Variants in CHIA observed in about 807,000 individuals in gnomAD.
CHIA encodes chitinase acidic, also known as acidic mammalian chitinase.
CHIA carries 47 observed loss-of-function variants against 53.5 expected under a neutral mutation model. The observed-to-expected ratio is 0.88, with a 90% CI of 0.70 to 1.12. The LOEUF is 1.12. CHIA is among the 50% of genes most tolerant of loss of function. The probability of loss-of-function intolerance (pLI) is 0.00; values close to 1 mark genes in which losing one functional copy is unlikely to be tolerated. For synonymous variants in CHIA, 268 were observed against 222.2 expected, an observed-to-expected ratio of 1.21 and a Z score of -1.83; for missense variants, 652 against 592.2, an observed-to-expected ratio of 1.10 and a Z score of -1.05.
At chr1:111,302,815 G>C (rs1028946486) in intron 1 of CHIA, among the ~76,000 whole-genome samples, 4 of 152,010 alleles carry the variant, frequency 2.6e-5, no homozygotes, top group Admixed American at 1.3e-4. Flanking sequence ...TATCTTCCGT[G>C]TGGTTGTTGT....
intron 1 of CHIA, among the ~76,000 whole-genome samples, chr1:111,308,541 A>T (rs1231966074): frequency 6.6e-6 from 1 of 152,190 alleles, no homozygotes; most frequent in African/African-American, 2.4e-5. Flanking sequence ...AAGCCCTCTG[A>T]TGATAGTCAT....
At chr1:111,291,276 GAT>G (rs1203140457) in intron 1 of CHIA, among the ~76,000 whole-genome samples, 6 of 152,122 alleles carry the variant, frequency 3.9e-5, no homozygotes, top group African/African-American at 1.4e-4. Flanking sequence ...GCCCATCAAT[GAT>G]AGACTGGATA....
rs759598491 is a variant in CHIA, at chr1:111,318,042, A to G, written c.662A>G (p.Tyr221Cys). 37 of 1,613,834 alleles carry G rather than the reference A, an allele frequency of 2.3e-5. No homozygotes were observed. In the South Asian group the frequency reaches 4.0e-4, roughly 17 times the overall value. ...GACCTCCATGGCTCCTGGGAGGGCTACACTGGAGAGAACAGCCCCCTCTAC... is the reference window on the plus strand; with the variant it reads ...GACCTCCATGGCTCCTGGGAGGGCTGCACTGGAGAGAACAGCCCCCTCTAC... ...TYDLHGSWEG[Y>C]TGENSPLYKY... Residue 221 changes from tyrosine (Y) to cysteine (C), a missense_variant, in exon 8 of 12, where the codon TAC (tyrosine) becomes TGC (cysteine). Coordinates refer to ENST00000369740, the MANE Select transcript of CHIA (RefSeq NM_201653.4).
chr1:111,315,186 T>C, intron 5 of CHIA, 84 bp from the exon 6 acceptor site: 1 of 1,005,404 alleles, frequency 9.9e-7, no homozygotes, highest in Non-Finnish European at 1.5e-6. Context: ...TGAAGGGCTC[T>C]GAGGCAGGAA....
chr1:111,298,371 G>C (rs1647389930), intron 1 of CHIA, among the ~76,000 whole-genome samples: 2 of 152,148 alleles, frequency 1.3e-5, no homozygotes. Context: ...AAATGTAAAA[G>C]AACAGAAATC....
chr1:111,306,408 A>T (rs1300035874), intron 1 of CHIA, among the ~76,000 whole-genome samples: 1 of 152,194 alleles, frequency 6.6e-6, no homozygotes, highest in East Asian at 1.9e-4. Flanking sequence ...CCCACATGGA[A>T]AAAATGAAAT....
chr1:111,306,710 A>G (rs1338216240), intron 1 of CHIA, among the ~76,000 whole-genome samples: 2 of 152,226 alleles, frequency 1.3e-5, no homozygotes, highest in African/African-American at 4.8e-5. Flanking sequence ...CTGAAAAATA[A>G]TTACAATCCA....
chr1:111,318,395 A>G (rs1216352336), intron 8 of CHIA, 98 bp from the exon 9 acceptor site: 2 of 1,073,696 alleles, frequency 1.9e-6, no homozygotes, highest in Non-Finnish European at 2.7e-6. Context: ...TCTGGAATTA[A>G]CAGCATAGAG....
intron 6 of CHIA, 81 bp from the exon 7 acceptor site, chr1:111,317,600 T>C (rs748380934): frequency 3.7e-5 from 56 of 1,493,964 alleles, no homozygotes; most frequent in Non-Finnish European, 4.7e-5. Context: ...AGAAGCATTA[T>C]ACAGACATAT....
At chr1:111,318,399 C>T in intron 8 of CHIA, 94 bp from the exon 9 acceptor site, 1 of 1,097,892 alleles carries the variant, frequency 9.1e-7, no homozygotes, top group Non-Finnish European at 1.3e-6. Flanking sequence ...GAATTAACAG[C>T]ATAGAGTTTT....
chr1:111,295,666 G>T (rs185324542), intron 1 of CHIA, among the ~76,000 whole-genome samples: 10 of 102,498 alleles, frequency 9.8e-5, no homozygotes, highest in African/African-American at 3.2e-4. Flanking sequence ...GGTGATTTCT[G>T]CATTTTCAGC....
chr1:111,309,611 C>T (rs1648499422), intron 1 of CHIA, among the ~76,000 whole-genome samples: 1 of 152,190 alleles, frequency 6.6e-6, no homozygotes, highest in Admixed American at 6.5e-5. Context: ...ACATGCAAGG[C>T]ATGTTTGAGG....
At chr1:111,315,148 A>T (rs766984011) in intron 5 of CHIA, 122 bp from the exon 6 acceptor site, 1 of 699,862 alleles carries the variant, frequency 1.4e-6, no homozygotes, top group Non-Finnish European at 2.5e-6. Flanking sequence ...AACCAAGAAC[A>T]TGCTTTACTC....
intron 2 of CHIA, among the ~76,000 whole-genome samples, chr1:111,310,902 G>A (rs1648610485): frequency 6.6e-6 from 1 of 152,166 alleles, no homozygotes; most frequent in African/African-American, 2.4e-5. Flanking sequence ...TAGGAACTGA[G>A]ATAGAGTTAT....
rs200537454 is a variant in CHIA at position 111,312,326 on chromosome 1, C to T, written c.192C>T (p.Asn64=). The change falls in exon 4 of 12, where the codon AAC becomes AAT. Residue 64 remains asparagine, a synonymous_variant. Transcript: ENST00000369740. The part of the protein sequence containing the change: ...LIYAFAGRQN[N]EITTIEWNDV... The stretch of plus-strand genomic sequence containing the variant: ...ACGCCTTTGCTGGGAGGCAGAACAA[C>T]GAGATCACCACCATCGAATGGAATG... 2.4e-5 allele frequency: 38 copies of T among 1,614,130 alleles called. No individual in the cohort carries two copies. The highest frequency in any genetic ancestry group is 6.7e-5 in the Admixed American group (4 of 60,016).
intron 3 of CHIA, among the ~76,000 whole-genome samples, chr1:111,311,954 C>T (rs1648715565): frequency 6.6e-6 from 1 of 151,976 alleles, no homozygotes; most frequent in African/African-American, 2.4e-5. Context: ...GCTAGCTAGG[C>T]TTATCCAAAA....
rs754884356 is a variant in CHIA at position 111,319,313 on chromosome 1, C to G, written c.1036-14C>G. 6.2e-7 allele frequency: 1 copy of G among 1,614,106 alleles called. No individual in the cohort carries two copies. Among genetic ancestry groups the G allele is most frequent in the Middle Eastern group, 1.6e-4 (1 of 6,084 alleles). On this transcript the variant is annotated splice_polypyrimidine_tract_variant and intron_variant, in intron 10 of 11. Coordinates refer to ENST00000369740, the MANE Select transcript of CHIA (RefSeq NM_201653.4). ...GAAAGCAAGTGATTCCTGTTATCCTCTTTCTTTAAACAGGCTCAATGGCTT... is the reference window on the plus strand; with the variant it reads ...GAAAGCAAGTGATTCCTGTTATCCTGTTTCTTTAAACAGGCTCAATGGCTT...
Position 111,318,535 on chromosome 1 carries a change from G to C in CHIA, c.772G>C (p.Glu258Gln). 1 of 1,614,224 alleles carries C rather than the reference G, an allele frequency of 6.2e-7. No homozygotes were observed. The highest frequency in any genetic ancestry group is 8.5e-7 in the Non-Finnish European group (1 of 1,180,026). Residue 258 changes from glutamate to glutamine, a missense_variant, in exon 9 of 12, where the codon GAG becomes CAG. By Grantham distance (29) the Glu-to-Gln change is conservative. Coordinates refer to ENST00000369740, the MANE Select transcript of CHIA (RefSeq NM_201653.4). The stretch of plus-strand genomic sequence containing the variant: ...CTGGAAGGACAATGGAGCACCAGCT[G>C]AGAAGCTCATCGTTGGATTCCCTAC... ...NYWKDNGAPA[E>Q]KLIVGFPTYG...
intron 6 of CHIA, chr1:111,317,068 G>C (rs114716145): frequency 6.6e-6 from 1 of 152,510 alleles, no homozygotes; most frequent in Non-Finnish European, 1.5e-5. Flanking sequence ...ATATCTTAAT[G>C]CCTTCAATCA....
Sources: gnomAD v4.1 joint callset for allele counts (sites outside exome capture counted in the v4.1 genomes callset) on GRCh38, gnomAD v4.1.1 for gene constraint, MANE v1.5 for transcripts, NCBI Gene and HGNC (gene_info 2026-07-23, HGNC 2026-07-21) for gene names.